Variants in OPCML observed in about 807,000 individuals in gnomAD.
OPCML encodes the protein opioid-binding protein/cell adhesion molecule.
OPCML carries 13 observed loss-of-function variants against 37.8 expected under a neutral mutation model. The observed-to-expected ratio is 0.34, with a 90% CI of 0.22 to 0.55. The LOEUF is 0.55. Ranked by LOEUF, OPCML falls within the 20% of genes least tolerant of loss-of-function variation. The probability of loss-of-function intolerance (pLI) is 0.91; values close to 1 mark genes in which losing one functional copy is unlikely to be tolerated. For synonymous variants in OPCML, 176 were observed against 168.8 expected (o/e 1.04, Z -0.33); for missense variants, 341 against 435.6 (o/e 0.78, Z 1.93).
chr11:132,651,315 T>C (rs1457777253), intron 3 of OPCML, among the ~76,000 whole-genome samples: 1 of 152,204 alleles, frequency 6.6e-6, no homozygotes, highest in African/African-American at 2.4e-5. Flanking sequence ...TCTCTGAATC[T>C]CACTTTCTGG....
rs542462728 is a variant in OPCML at position 132,724,924 on chromosome 11, A to T, written c.147-67605T>A. On this transcript the variant is annotated intron_variant, in intron 2 of 7. Transcript: ENST00000524381. ...ATGCTGATGCAAGAGTTAGGTTCCC[A>T]TATCTTGGGCAACTCCGTGGTTTTG... Among the ~76,000 whole-genome samples, 13 of 152,300 alleles carry T rather than the reference A, an allele frequency of 8.5e-5. No individual in the cohort carries two copies. In the South Asian group the frequency reaches 2.7e-3, roughly 32 times the overall value.
intron 1 of OPCML, among the ~76,000 whole-genome samples, chr11:133,114,378 A>G (rs1046410316): frequency 6.6e-6 from 1 of 151,784 alleles, no homozygotes; most frequent in Non-Finnish European, 1.5e-5. Context: ...TTAACATCCC[A>G]TTCTTTATTC....
At chr11:132,852,839 C>T (rs933159698) in intron 2 of OPCML, among the ~76,000 whole-genome samples, 5 of 151,520 alleles carry the variant, frequency 3.3e-5, no homozygotes, top group Admixed American at 6.6e-5. Context: ...CAAGGCCTGC[C>T]GCCTGTGTTT....
intron 3 of OPCML, among the ~76,000 whole-genome samples, chr11:132,579,334 G>A (rs1464536949): frequency 6.6e-6 from 1 of 151,890 alleles, no homozygotes; most frequent in African/African-American, 2.4e-5. Context: ...GGTGGCCTTT[G>A]TCAAGGAGAC....
intron 1 of OPCML, among the ~76,000 whole-genome samples, chr11:133,083,643 G>A (rs1661276812): frequency 6.6e-6 from 1 of 152,226 alleles, no homozygotes. Context: ...CATTCATACT[G>A]GAACAGTTAT....
At chr11:132,919,641 T>C (rs997499204) in intron 2 of OPCML, among the ~76,000 whole-genome samples, 1 of 152,090 alleles carries the variant, frequency 6.6e-6, no homozygotes, top group Admixed American at 6.5e-5. Flanking sequence ...CGGAATCAGG[T>C]AGAGCCTGAT....
At chr11:133,242,106 T>C (rs943981349) in intron 1 of OPCML, among the ~76,000 whole-genome samples, 1 of 152,178 alleles carries the variant, frequency 6.6e-6, no homozygotes. Context: ...CCCCACTCCT[T>C]GCATTCTCAG....
chr11:133,018,779 C>T (rs540084637), intron 1 of OPCML, among the ~76,000 whole-genome samples: 1 of 152,334 alleles, frequency 6.6e-6, no homozygotes, highest in South Asian at 2.1e-4. Flanking sequence ...GCCCCGTGTA[C>T]CCCGAGGCAC....
intron 1 of OPCML, among the ~76,000 whole-genome samples, chr11:133,220,393 T>C (rs943037929): frequency 1.3e-5 from 2 of 152,186 alleles, no homozygotes; most frequent in Admixed American, 1.3e-4. Context: ...CAGGTTCTCA[T>C]GCCAAGGTTC....
intron 3 of OPCML, among the ~76,000 whole-genome samples, chr11:132,630,546 G>T (rs1255283247): frequency 6.6e-6 from 1 of 152,166 alleles, no homozygotes; most frequent in Non-Finnish European, 1.5e-5. Context: ...GTGTGTGTGT[G>T]TGTGTCTTCT....
At chr11:132,821,540 C>T (rs2136249435) in intron 2 of OPCML, among the ~76,000 whole-genome samples, 1 of 152,360 alleles carries the variant, frequency 6.6e-6, no homozygotes, top group East Asian at 1.9e-4. Context: ...AAATTATCCG[C>T]TTGCCTCAAA....
intron 1 of OPCML, among the ~76,000 whole-genome samples, chr11:133,506,212 G>A (rs1251800823): frequency 6.6e-6 from 1 of 152,136 alleles, no homozygotes; most frequent in African/African-American, 2.4e-5. Flanking sequence ...AAAGTGTCTT[G>A]TCCCAGGTCC....
intron 1 of OPCML, among the ~76,000 whole-genome samples, chr11:133,222,492 G>T (rs1383464155): frequency 6.6e-6 from 1 of 152,116 alleles, no homozygotes; most frequent in East Asian, 1.9e-4. Flanking sequence ...CTGGACTGGG[G>T]AGACCACATC....
At chr11:132,964,469 C>T (rs1946169228) in intron 1 of OPCML, among the ~76,000 whole-genome samples, 1 of 152,142 alleles carries the variant, frequency 6.6e-6, no homozygotes, top group Admixed American at 6.5e-5. Flanking sequence ...CCTGTGTGAG[C>T]CTTAGTTTTC....
At chr11:132,798,113 C>T (rs1938438410) in intron 2 of OPCML, among the ~76,000 whole-genome samples, 1 of 152,132 alleles carries the variant, frequency 6.6e-6, no homozygotes, top group Non-Finnish European at 1.5e-5. Flanking sequence ...GACAGTCTTT[C>T]TTATGATCTC....
intron 2 of OPCML, among the ~76,000 whole-genome samples, chr11:132,835,439 A>C (rs562078677): frequency 6.6e-6 from 1 of 152,232 alleles, no homozygotes; most frequent in East Asian, 1.9e-4. Flanking sequence ...ATGCCTCCTG[A>C]ATACATTAAT....
chr11:132,827,884 G>C (rs1030435874), intron 2 of OPCML, among the ~76,000 whole-genome samples: 2 of 151,914 alleles, frequency 1.3e-5, no homozygotes, highest in African/African-American at 2.4e-5. Flanking sequence ...GCCCGCCTCG[G>C]CCTCCCACAG....
intron 1 of OPCML, among the ~76,000 whole-genome samples, chr11:133,431,447 T>G (rs1490524895): frequency 6.7e-6 from 1 of 150,236 alleles, no homozygotes; most frequent in African/African-American, 2.5e-5. Context: ...ATGTATTGTA[T>G]GAATCTCAAT....
chr11:132,441,175 T>TG (rs914760469), intron 4 of OPCML, among the ~76,000 whole-genome samples: 2 of 119,320 alleles, frequency 1.7e-5, no homozygotes, highest in African/African-American at 3.3e-5. Flanking sequence ...GTTTTTTTTT[T>TG]TTTTTTTTTT....
Sources: gnomAD v4.1 joint callset for allele counts (sites outside exome capture counted in the v4.1 genomes callset) on GRCh38, gnomAD v4.1.1 for gene constraint, MANE v1.5 for transcripts, NCBI Gene and HGNC (gene_info 2026-07-23, HGNC 2026-07-21) for gene names.